Variants in DNER observed in about 807,000 individuals in gnomAD.
DNER encodes the protein delta/notch like EGF repeat containing, also known as delta and Notch-like epidermal growth factor-related receptor.
In DNER, 33 loss-of-function variants were observed where a neutral mutation model predicts 78.2. The observed-to-expected ratio is 0.42, with a 90% CI of 0.32 to 0.56. DNER has a LOEUF of 0.56. Among genes scored for constraint, DNER ranks in the 20% least tolerant of loss-of-function variants. DNER has a pLI of 0.11. For missense variants in DNER, 918 were observed against 975.3 expected, an observed-to-expected ratio of 0.94 and a Z score of 0.78; for synonymous variants, 417 against 384.8, an observed-to-expected ratio of 1.08 and a Z score of -0.98.
chr2:229,536,299 G>A (rs1696404260), intron 5 of DNER, among the ~76,000 whole-genome samples: 1 of 152,160 alleles, frequency 6.6e-6, no homozygotes, highest in African/African-American at 2.4e-5. Flanking sequence ...GAAACATCAG[G>A]GCAGCAGGGA....
chr2:229,670,228 A>G lies in DNER; in HGVS notation c.276+43920T>C, dbSNP rs566583847. Among the ~76,000 whole-genome samples the G allele has an allele frequency of 4.6e-5, 7 of 152,342 alleles. No homozygotes were observed. The East Asian group carries it at 9.6e-4, about 21-fold the overall frequency. On this transcript the variant is annotated intron_variant, in intron 1 of 12. Coordinates refer to ENST00000341772, the MANE Select transcript of DNER (RefSeq NM_139072.4). ...TGAATGGCCCTGCAAAGAGCCACAC[A>G]TTCATAGTGGGAGCTGATTCCAGTT...
In DNER at chr2:229,586,769, G is replaced by A. The variant is rs143607454; in HGVS notation, c.681-745C>T. On this transcript the variant is annotated intron_variant, in intron 3 of 12. Transcript: ENST00000341772. ...ATATTACCTCTTCCCAGAGACTCCTGACCACTTCCCAACATCCCAACAGCT... is the reference window on the plus strand; with the variant it reads ...ATATTACCTCTTCCCAGAGACTCCTAACCACTTCCCAACATCCCAACAGCT... The A allele has an allele frequency of 3.8e-5, 37 of 985,788 alleles. No individual in the cohort carries two copies. The East Asian group carries it at 3.6e-3, about 97-fold the overall frequency. The allele number at this position is 985,788 out of a possible 1,614,324, so 61.1% of individuals were successfully genotyped here.
intron 1 of DNER, among the ~76,000 whole-genome samples, chr2:229,677,247 C>T (rs1025831635): frequency 5.9e-5 from 9 of 152,146 alleles, no homozygotes; most frequent in African/African-American, 1.9e-4. Flanking sequence ...CCATTTCCTT[C>T]TAGCTCTCCA....
At chr2:229,651,860 G>T (rs1022401660) in intron 1 of DNER, among the ~76,000 whole-genome samples, 1 of 152,066 alleles carries the variant, frequency 6.6e-6, no homozygotes, top group African/African-American at 2.4e-5. Flanking sequence ...ACAACCCTAG[G>T]GCCAACAACC....
chr2:229,535,294 T>A (rs778474028), intron 5 of DNER, among the ~76,000 whole-genome samples: 1 of 152,088 alleles, frequency 6.6e-6, no homozygotes, highest in Admixed American at 6.6e-5. Flanking sequence ...AGCCAAACAG[T>A]TTTGTAAATA....
chr2:229,659,491 C>T (rs1418170037), intron 1 of DNER, among the ~76,000 whole-genome samples: 1 of 152,054 alleles, frequency 6.6e-6, no homozygotes. Flanking sequence ...AGGACCTGGA[C>T]CCGGGCAGAC....
intron 1 of DNER, among the ~76,000 whole-genome samples, chr2:229,665,301 A>G (rs566436508): frequency 1.3e-5 from 2 of 152,196 alleles, no homozygotes; most frequent in African/African-American, 4.8e-5. Flanking sequence ...AGAAAGCCAT[A>G]GTGCCAAGGG....
rs954198901 is a variant in DNER, at chr2:229,410,894, T to G, written c.1610-3549A>C. On this transcript the variant is annotated intron_variant, in intron 9 of 12. Coordinates refer to ENST00000341772, the MANE Select transcript of DNER (RefSeq NM_139072.4). The stretch of plus-strand genomic sequence containing the variant: ...AGTGTTATTACACTTAATATTTACT[T>G]TAAGACATCGTCTCATTTCATCCAA... Among the ~76,000 whole-genome samples the G allele has an allele frequency of 2.0e-5, 3 of 152,260 alleles. No individual in the cohort carries two copies. The South Asian group carries it at 6.2e-4, about 31-fold the overall frequency.
intron 6 of DNER, among the ~76,000 whole-genome samples, chr2:229,509,579 C>T (rs768004531): frequency 5.9e-5 from 9 of 152,156 alleles, no homozygotes; most frequent in African/African-American, 2.4e-5. Context: ...TTTGGGAGGC[C>T]GAGATGGGTA....
At chr2:229,359,568 A>G (rs1692165376) in intron 12 of DNER, among the ~76,000 whole-genome samples, 2 of 152,120 alleles carry the variant, frequency 1.3e-5, no homozygotes, top group South Asian at 4.2e-4. Flanking sequence ...CAATTCCACC[A>G]GGGCTCTTTA....
At chr2:229,516,593 A>G (rs1695976064) in intron 5 of DNER, among the ~76,000 whole-genome samples, 1 of 152,102 alleles carries the variant, frequency 6.6e-6, no homozygotes, top group Admixed American at 6.5e-5. Flanking sequence ...ATTTTCCTCA[A>G]CAGCTTGAAG....
intron 1 of DNER, among the ~76,000 whole-genome samples, chr2:229,625,193 C>A (rs1420012402): frequency 6.6e-5 from 10 of 152,136 alleles, no homozygotes; most frequent in Non-Finnish European, 2.9e-5. Context: ...AATCTGCTTC[C>A]TCAGTGTAGC....
In DNER at chr2:229,502,002, C is replaced by T. The variant is rs143399293; in HGVS notation, c.1147+10781G>A. 6.1e-4 allele frequency among the ~76,000 whole-genome samples: 93 copies of T among 152,254 alleles called. No homozygotes were observed. In the East Asian group the frequency reaches 0.017, roughly 28 times the overall value. ...CAAAGAAGGTAAAATCTGATCTGCT[C>T]AGTGGGCTGAATTGCATGCTGTTTT... On this transcript the variant is annotated intron_variant, in intron 6 of 12. Coordinates refer to ENST00000341772, the MANE Select transcript of DNER (RefSeq NM_139072.4).
In DNER at chr2:229,477,210, G is replaced by A; in HGVS notation, c.1191C>T (p.Ile397=). The part of the protein sequence containing the change: ...ELCQSKIDYC[I]LDPCRNGATC... Reference sequence around the variant, plus strand: ...TTGCTCCATTTCTGCATGGGTCTAGGATGCAGTAATCAATCTTGGACTGGC... The same window carrying A: ...TTGCTCCATTTCTGCATGGGTCTAGAATGCAGTAATCAATCTTGGACTGGC... The change falls in exon 7 of 13, where the codon ATC becomes ATT. Residue 397 remains isoleucine, a synonymous_variant. Coordinates refer to ENST00000341772, the MANE Select transcript of DNER (RefSeq NM_139072.4). 2 of 1,613,864 alleles carry A rather than the reference G, an allele frequency of 1.2e-6. No individual in the cohort carries two copies. The highest frequency in any genetic ancestry group is 1.7e-6 in the Non-Finnish European group (2 of 1,179,908).
intron 7 of DNER, among the ~76,000 whole-genome samples, chr2:229,465,536 T>C (rs1387435689): frequency 6.6e-6 from 1 of 151,982 alleles, no homozygotes; most frequent in Non-Finnish European, 1.5e-5. Context: ...CATTTACCTA[T>C]GTAACAAACC....
intron 1 of DNER, among the ~76,000 whole-genome samples, chr2:229,653,352 A>G (rs72993258): frequency 0.036 from 5,516 of 152,312 alleles, 158 homozygotes; most frequent in Middle Eastern, 0.068. Context: ...AGAGTTGGCC[A>G]TGAAAGCAAA....
chr2:229,469,180 G>A (rs982790432), intron 7 of DNER, among the ~76,000 whole-genome samples: 3 of 152,154 alleles, frequency 2.0e-5, no homozygotes, highest in Non-Finnish European at 4.4e-5. Flanking sequence ...GAAATGTTTA[G>A]CATCCCTGTC....
intron 7 of DNER, among the ~76,000 whole-genome samples, chr2:229,467,446 A>G (rs1342856091): frequency 6.6e-6 from 1 of 152,200 alleles, no homozygotes; most frequent in Non-Finnish European, 1.5e-5. Flanking sequence ...CTACTTTCCC[A>G]GTCTTCTGTC....
intron 1 of DNER, among the ~76,000 whole-genome samples, chr2:229,617,240 T>G (rs1225747777): frequency 2.6e-5 from 4 of 152,176 alleles, no homozygotes; most frequent in Non-Finnish European, 5.9e-5. Flanking sequence ...GAACAGAGAT[T>G]ATGACATGGT....
Sources: allele counts gnomAD v4.1 joint callset (sites outside exome capture counted in the v4.1 genomes callset), GRCh38; gene constraint gnomAD v4.1.1; transcripts MANE v1.5; gene names NCBI Gene and HGNC (gene_info 2026-07-23, HGNC 2026-07-21).